The following GRM3 variants were observed in gnomAD, a reference collection of about 807,000 sequenced individuals.
GRM3 encodes the protein glutamate metabotropic receptor 3.
Under a neutral mutation model 70.5 loss-of-function variants are expected in GRM3, and 26 were observed. The ratio of observed to expected loss-of-function variants is 0.37; its 90% CI spans 0.27 to 0.51. The LOEUF (loss-of-function observed/expected upper bound fraction) is 0.51. Among genes scored for constraint, GRM3 ranks in the 20% least tolerant of loss-of-function variants. The probability of loss-of-function intolerance (pLI) is 0.93; values close to 1 mark genes in which losing one functional copy is unlikely to be tolerated. For missense variants in GRM3, 859 were observed against 1,123.8 expected, an observed-to-expected ratio of 0.76 and a Z score of 3.37; for synonymous variants, 443 against 434.9, an observed-to-expected ratio of 1.02 and a Z score of -0.23.
intron 1 of GRM3, among the ~76,000 whole-genome samples, chr7:86,740,685 G>C (rs1795965397): frequency 6.6e-6 from 1 of 152,138 alleles, no homozygotes; most frequent in South Asian, 2.1e-4. Flanking sequence ...AAATTTCTGT[G>C]AATCAAGACC....
intron 1 of GRM3, among the ~76,000 whole-genome samples, chr7:86,761,051 G>A (rs1362596940): frequency 6.6e-6 from 1 of 152,108 alleles, no homozygotes; most frequent in Non-Finnish European, 1.5e-5. Flanking sequence ...GATGAAAATA[G>A]TTCATAAAAA....
chr7:86,687,727 C>A (rs556557825), intron 1 of GRM3, among the ~76,000 whole-genome samples: 82 of 151,446 alleles, frequency 5.4e-4, no homozygotes, highest in Non-Finnish European at 8.9e-4. Context: ...TGCATATGGG[C>A]TAGTAAAACA....
At chr7:86,696,201 A>T (rs1472373435) in intron 1 of GRM3, among the ~76,000 whole-genome samples, 1 of 152,190 alleles carries the variant, frequency 6.6e-6, no homozygotes, top group Non-Finnish European at 1.5e-5. Context: ...ATAATCTGCA[A>T]TTGTTACCTT....
At chr7:86,706,974 C>T (rs909839585) in intron 1 of GRM3, among the ~76,000 whole-genome samples, 2 of 152,010 alleles carry the variant, frequency 1.3e-5, no homozygotes, top group Admixed American at 1.3e-4. Flanking sequence ...GTTATAACAT[C>T]GAACATATCT....
At chr7:86,849,234 T>G (rs1798712385) in intron 4 of GRM3, among the ~76,000 whole-genome samples, 1 of 152,148 alleles carries the variant, frequency 6.6e-6, no homozygotes, top group Non-Finnish European at 1.5e-5. Context: ...TGAAGGCTTT[T>G]GCATCACAGA....
At chr7:86,762,279 G>C (rs1035552198) in intron 1 of GRM3, among the ~76,000 whole-genome samples, 1 of 151,940 alleles carries the variant, frequency 6.6e-6, no homozygotes, top group African/African-American at 2.4e-5. Flanking sequence ...TCCCAGGGAG[G>C]CTCTGAGTTA....
At chr7:86,723,192 T>C (rs189858895) in intron 1 of GRM3, among the ~76,000 whole-genome samples, 343 of 151,884 alleles carry the variant, frequency 2.3e-3, no homozygotes, top group Non-Finnish European at 3.0e-3. Flanking sequence ...CAGAACCCTA[T>C]GAAAAATAAC....
At chr7:86,860,731 A>G (rs973475230) in intron 5 of GRM3, among the ~76,000 whole-genome samples, 2 of 152,196 alleles carry the variant, frequency 1.3e-5, no homozygotes, top group Non-Finnish European at 2.9e-5. Flanking sequence ...TGACTATTTT[A>G]TACTAGAACT....
At chr7:86,740,897 AT>A (rs913002763) in intron 1 of GRM3, among the ~76,000 whole-genome samples, 1 of 152,202 alleles carries the variant, frequency 6.6e-6, no homozygotes, top group African/African-American at 2.4e-5. Flanking sequence ...TACTTAGCAC[AT>A]TGTGGAGCAC....
At chr7:86,713,307 T>G (rs1377058192) in intron 1 of GRM3, among the ~76,000 whole-genome samples, 1 of 152,090 alleles carries the variant, frequency 6.6e-6, no homozygotes, top group Non-Finnish European at 1.5e-5. Flanking sequence ...GATATTTTGC[T>G]CATTTTAAAG....
intron 4 of GRM3, among the ~76,000 whole-genome samples, chr7:86,847,619 T>A (rs1798679495): frequency 6.6e-6 from 1 of 152,060 alleles, no homozygotes; most frequent in Admixed American, 6.6e-5. Context: ...CACTTAAAGT[T>A]CAAGTAGAAT....
At chr7:86,671,409 G>A (rs1794170770) in intron 1 of GRM3, among the ~76,000 whole-genome samples, 1 of 152,120 alleles carries the variant, frequency 6.6e-6, no homozygotes, top group African/African-American at 2.4e-5. Flanking sequence ...CCTGAAGTTA[G>A]CACATCTAGC....
intron 1 of GRM3, among the ~76,000 whole-genome samples, chr7:86,751,256 A>G (rs539721334): frequency 2.4e-4 from 36 of 152,188 alleles, no homozygotes; most frequent in African/African-American, 8.4e-4. Flanking sequence ...GAAGCAACCA[A>G]TTACGGCAAT....
chr7:86,790,666 C>T (rs1019880268), intron 3 of GRM3, among the ~76,000 whole-genome samples: 2 of 152,146 alleles, frequency 1.3e-5, no homozygotes, highest in Non-Finnish European at 2.9e-5. Flanking sequence ...CTTTTACTCT[C>T]CTTCTTTCTC....
chr7:86,857,268 C>A (rs756217425), intron 5 of GRM3, among the ~76,000 whole-genome samples: 2 of 151,934 alleles, frequency 1.3e-5, no homozygotes, highest in Non-Finnish European at 2.9e-5. Context: ...TACGTAGTAG[C>A]CTGGCCAAGC....
intron 1 of GRM3, among the ~76,000 whole-genome samples, chr7:86,710,617 G>A (rs1049468500): frequency 6.7e-5 from 10 of 150,048 alleles, no homozygotes; most frequent in Admixed American, 6.7e-4. Flanking sequence ...GAGTGAGAGA[G>A]AGATTTCATT....
At chr7:86,647,745 G>T (rs569694172) in intron 1 of GRM3, among the ~76,000 whole-genome samples, 2 of 152,244 alleles carry the variant, frequency 1.3e-5, no homozygotes, top group East Asian at 3.9e-4. Flanking sequence ...CATAAAATGA[G>T]TATCATCATA....
At chr7:86,685,328 T>G (rs1438385293) in intron 1 of GRM3, among the ~76,000 whole-genome samples, 1 of 152,180 alleles carries the variant, frequency 6.6e-6, no homozygotes, top group Non-Finnish European at 1.5e-5. Flanking sequence ...ATATTACCAG[T>G]AAAACTTACA....
At chr7:86,824,803 TG>T (rs2116696093) in intron 3 of GRM3, among the ~76,000 whole-genome samples, 1 of 151,458 alleles carries the variant, frequency 6.6e-6, no homozygotes, top group Non-Finnish European at 1.5e-5. Context: ...TATATATATA[TG>T]TGTGTGTGTG....
Sources: allele counts gnomAD v4.1 joint callset (sites outside exome capture counted in the v4.1 genomes callset), GRCh38; gene constraint gnomAD v4.1.1; transcripts MANE v1.5; gene names NCBI Gene and HGNC (gene_info 2026-07-23, HGNC 2026-07-21).